The following ANO2 variants were observed in gnomAD, a reference collection of about 807,000 sequenced individuals.
The protein encoded by ANO2 is anoctamin 2.
In ANO2, 101 loss-of-function variants were observed where a neutral mutation model predicts 124.2. The observed-to-expected ratio is 0.81, with a 90% CI of 0.69 to 0.96. The LOEUF (loss-of-function observed/expected upper bound fraction) is 0.96, where lower values mean the gene tolerates loss of function less well. Ranked by LOEUF, ANO2 falls within the 40% of genes least tolerant of loss-of-function variation. The pLI is 0.00. For missense variants in ANO2, 1,293 were observed against 1,274.5 expected (o/e 1.01, Z -0.22); for synonymous variants, 486 against 482.5 (o/e 1.01, Z -0.09).
chr12:5,768,554 T>C (rs182716797), intron 10 of ANO2, among the ~76,000 whole-genome samples: 40 of 152,336 alleles, frequency 2.6e-4, no homozygotes, highest in Admixed American at 1.4e-3. Flanking sequence ...TCAGGAATCA[T>C]GGCCCTTCTC....
chr12:5,576,854 A>G (rs1205809963), intron 22 of ANO2, among the ~76,000 whole-genome samples: 1 of 152,260 alleles, frequency 6.6e-6, no homozygotes, highest in Non-Finnish European at 1.5e-5. Context: ...CCAGAACCAT[A>G]TTTGAGAGTG....
chr12:5,792,823 C>G (rs1952735658), intron 10 of ANO2, among the ~76,000 whole-genome samples: 2 of 152,206 alleles, frequency 1.3e-5, no homozygotes, highest in African/African-American at 4.8e-5. Context: ...ACTTTGAACT[C>G]AAGCTCCTTG....
At chr12:5,607,064 A>T (rs200619212) in intron 19 of ANO2, among the ~76,000 whole-genome samples, 1 of 43,228 alleles carries the variant, frequency 2.3e-5, no homozygotes, top group Non-Finnish European at 5.2e-5. Context: ...GCCTCTATTT[A>T]AAAAAAAAAA....
chr12:5,655,048 C>T (rs771952117), intron 14 of ANO2, among the ~76,000 whole-genome samples: 7 of 152,174 alleles, frequency 4.6e-5, no homozygotes, highest in Non-Finnish European at 7.3e-5. Context: ...ATACACCCAT[C>T]GGTTGTGTCC....
intron 13 of ANO2, among the ~76,000 whole-genome samples, chr12:5,734,724 C>T (rs1197866407): frequency 5.3e-5 from 8 of 151,874 alleles, no homozygotes; most frequent in Admixed American, 1.3e-4. Context: ...CTCGGCTCAC[C>T]GAAACCTCTG....
At chr12:5,701,087 A>ATTTTTTTTTTTTTTTTTTTTTTTTTTTTT (rs56113538) in intron 14 of ANO2, among the ~76,000 whole-genome samples, 2 of 93,610 alleles carry the variant, frequency 2.1e-5, no homozygotes, top group Non-Finnish European at 3.9e-5. Flanking sequence ...GTCATTTTCA[A>ATTTTTTTTTTTTTTTTTTTTTTTTTTTTT]TTTTTTTTTT....
intron 14 of ANO2, among the ~76,000 whole-genome samples, chr12:5,700,479 G>T (rs1011407706): frequency 6.6e-6 from 1 of 152,142 alleles, no homozygotes; most frequent in African/African-American, 2.4e-5. Flanking sequence ...ATGCCCACAA[G>T]AGAAAGCAGG....
At chr12:5,781,666 G>T (rs990269430) in intron 10 of ANO2, among the ~76,000 whole-genome samples, 4 of 152,108 alleles carry the variant, frequency 2.6e-5, no homozygotes, top group Non-Finnish European at 5.9e-5. Flanking sequence ...TGTCAAAAAA[G>T]AATTGTACAT....
At chr12:5,945,132 TCCTTCACTCCCTCC>T in intron 1 of ANO2, 50 bp downstream of exon 1, 1 of 1,264,920 alleles carries the variant, frequency 7.9e-7, no homozygotes, top group Middle Eastern at 2.2e-4. Context: ...GGATGCCGCC[TCCTTCACTCCCTCC>T]CTCCTACCAC....
intron 15 of ANO2, among the ~76,000 whole-genome samples, chr12:5,639,706 AG>A (rs1946231649): frequency 6.6e-6 from 1 of 152,082 alleles, no homozygotes. Context: ...GGCAGCCAGG[AG>A]GGGGCCCTGT....
At position 5,888,286 on chromosome 12, in the gene ANO2, C is replaced by G. The variant is rs564488127; in HGVS notation, c.534+32754G>C. On this transcript the variant is annotated intron_variant, in intron 3 of 24. Transcript: ENST00000682330. ...TGGCTTCAGGAGTGAAGCTGCAGAC[C>G]TTCGCGGTGAGCGTTACAGCTCATA... 7.9e-5 allele frequency among the ~76,000 whole-genome samples: 12 copies of G among 152,200 alleles called. 1 individual carries two copies. Among genetic ancestry groups the G allele is most frequent in the African/African-American group, 2.2e-4 (9 of 41,524 alleles).
At chr12:5,607,466 T>C (rs950807202) in intron 19 of ANO2, among the ~76,000 whole-genome samples, 2 of 152,004 alleles carry the variant, frequency 1.3e-5, no homozygotes, top group Admixed American at 1.3e-4. Flanking sequence ...CTAGAATAAC[T>C]TTGCCAAGGT....
intron 10 of ANO2, among the ~76,000 whole-genome samples, chr12:5,754,364 T>C (rs1028855293): frequency 6.6e-6 from 1 of 152,240 alleles, no homozygotes; most frequent in Non-Finnish European, 1.5e-5. Flanking sequence ...ATCAGGGATG[T>C]TGACCTATAG....
At chr12:5,592,632 T>G (rs1461209617) in intron 20 of ANO2, among the ~76,000 whole-genome samples, 1 of 152,146 alleles carries the variant, frequency 6.6e-6, no homozygotes, top group Non-Finnish European at 1.5e-5. Context: ...TTGCATCTTT[T>G]AAAAGCCGTT....
rs77817603 is a variant in ANO2, at chr12:5,684,535, C to G, written c.1546-36734G>C. Among the ~76,000 whole-genome samples, 648 of 152,280 alleles carry G rather than the reference C, an allele frequency of 4.3e-3. 2 individuals are homozygous for G. The highest frequency in any genetic ancestry group is 0.015 in the African/African-American group (616 of 41,556). On this transcript the variant is annotated intron_variant, in intron 14 of 24. Coordinates refer to ENST00000682330, the MANE Select transcript of ANO2 (RefSeq NM_001364791.2). ...TGAGTGGCTGTCCATCTAGAAATGT[C>G]AGTCCTCCACAGAGTACAACTTCTT...
chr12:5,901,044 G>C (rs534140409), intron 3 of ANO2, among the ~76,000 whole-genome samples: 6 of 152,238 alleles, frequency 3.9e-5, no homozygotes, highest in African/African-American at 1.2e-4. Context: ...TCCCATTCCC[G>C]ACACGCTTTG....
chr12:5,885,324 T>G (rs189194329), intron 3 of ANO2, among the ~76,000 whole-genome samples: 1 of 152,242 alleles, frequency 6.6e-6, no homozygotes, highest in Admixed American at 6.5e-5. Flanking sequence ...AAAGAGCAAC[T>G]GAATCAAAAT....
chr12:5,634,363 C>T (rs1945891967), intron 16 of ANO2, among the ~76,000 whole-genome samples: 2 of 152,172 alleles, frequency 1.3e-5, no homozygotes, highest in South Asian at 4.1e-4. Context: ...ACTATGAATG[C>T]AACCTCCGTA....
At chr12:5,939,154 T>C (rs1489970376) in intron 1 of ANO2, among the ~76,000 whole-genome samples, 1 of 139,706 alleles carries the variant, frequency 7.2e-6, no homozygotes, top group Non-Finnish European at 1.5e-5. Flanking sequence ...GAGGCAGAGG[T>C]TGCAGTGAGC....
Sources: gnomAD v4.1 joint callset for allele counts (sites outside exome capture counted in the v4.1 genomes callset) on GRCh38, gnomAD v4.1.1 for gene constraint, MANE v1.5 for transcripts, NCBI Gene and HGNC (gene_info 2026-07-23, HGNC 2026-07-21) for gene names.